Variants in SFMBT1 observed in about 807,000 individuals in gnomAD.
SFMBT1 encodes Scm like with four mbt domains 1.
Under a neutral mutation model 108.7 loss-of-function variants are expected in SFMBT1, and 32 were observed. The ratio of observed to expected loss-of-function variants is 0.29; its 90% CI spans 0.22 to 0.40. The LOEUF is 0.40. Ranked by LOEUF, SFMBT1 falls within the 10% of genes least tolerant of loss-of-function variation. The pLI is 1.00. For synonymous variants in SFMBT1, 348 were observed against 369.5 expected (o/e 0.94, Z 0.67); for missense variants, 816 against 1,059.6 (o/e 0.77, Z 3.19).
chr3:52,922,326 A>T (rs1437773968), intron 10 of SFMBT1, among the ~76,000 whole-genome samples: 1 of 152,036 alleles, frequency 6.6e-6, no homozygotes, highest in Non-Finnish European at 1.5e-5. Context: ...ATGTTTATCA[A>T]CAGTGGGAAA....
chr3:52,916,353 ATACTT>A, intron 13 of SFMBT1, 139 bp from the exon 14 acceptor site: 1 of 457,130 alleles, frequency 2.2e-6, no homozygotes. Context: ...TCCCTTGATG[ATACTT>A]TTTTTTTTTT....
At chr3:53,039,736 G>A (rs1304290043) in intron 1 of SFMBT1, among the ~76,000 whole-genome samples, 2 of 152,164 alleles carry the variant, frequency 1.3e-5, no homozygotes, top group Non-Finnish European at 2.9e-5. Context: ...CTGGGTTCAA[G>A]CAATTCTCCT....
chr3:52,949,227 C>A (rs1276451111), intron 3 of SFMBT1, among the ~76,000 whole-genome samples: 1 of 151,954 alleles, frequency 6.6e-6, no homozygotes. Flanking sequence ...CTTTATGGGC[C>A]TGGGTGTGGT....
intron 4 of SFMBT1, among the ~76,000 whole-genome samples, chr3:52,935,110 T>A (rs745663642): frequency 6.6e-6 from 1 of 152,216 alleles, no homozygotes; most frequent in Non-Finnish European, 1.5e-5. Flanking sequence ...TTAAGAGTTG[T>A]ATACAAAACA....
intron 4 of SFMBT1, among the ~76,000 whole-genome samples, chr3:52,940,755 A>G (rs573172393): frequency 6.6e-6 from 1 of 152,384 alleles, no homozygotes; most frequent in East Asian, 1.9e-4. Flanking sequence ...AGTATCTTCC[A>G]ACAAGACACT....
chr3:53,034,802 G>A (rs1699813117), intron 1 of SFMBT1, among the ~76,000 whole-genome samples: 1 of 151,660 alleles, frequency 6.6e-6, no homozygotes, highest in South Asian at 2.1e-4. Flanking sequence ...AGCCAGGCGT[G>A]GTGGCACGTG....
chr3:52,950,302 T>C (rs1015849773), intron 3 of SFMBT1, among the ~76,000 whole-genome samples: 1 of 152,228 alleles, frequency 6.6e-6, no homozygotes, highest in African/African-American at 2.4e-5. Context: ...GTTTACAATA[T>C]ACATTTAAAC....
At chr3:53,012,698 G>C (rs1485529274) in intron 1 of SFMBT1, among the ~76,000 whole-genome samples, 5 of 151,616 alleles carry the variant, frequency 3.3e-5, no homozygotes, top group Non-Finnish European at 5.9e-5. Flanking sequence ...CACCGCGCCC[G>C]GCCGAGTGCT....
chr3:52,905,110 G>A lies in SFMBT1; in HGVS notation c.*26C>T, dbSNP rs771285504. 7 of 1,611,296 alleles carry A rather than the reference G, an allele frequency of 4.3e-6. No individual in the cohort carries two copies. The Admixed American group carries it at 1.2e-4, about 27-fold the overall frequency. On this transcript the variant is annotated 3_prime_UTR_variant, in exon 21 of 21. Coordinates refer to ENST00000394752, the MANE Select transcript of SFMBT1 (RefSeq NM_016329.4). ...GGATTTGCTGCATTTGTGCTTCAAAGATCCAGCTCACTTTGGTTGTCCTTC... is the reference window on the plus strand; with the variant it reads ...GGATTTGCTGCATTTGTGCTTCAAAAATCCAGCTCACTTTGGTTGTCCTTC...
chr3:52,988,475 C>T (rs1157065862), intron 1 of SFMBT1, among the ~76,000 whole-genome samples: 1 of 152,176 alleles, frequency 6.6e-6, no homozygotes, highest in Non-Finnish European at 1.5e-5. Flanking sequence ...GGTAATGCTG[C>T]TGCGAGGGTA....
chr3:52,992,842 T>C (rs1244929890), intron 1 of SFMBT1, among the ~76,000 whole-genome samples: 2 of 152,210 alleles, frequency 1.3e-5, no homozygotes, highest in Admixed American at 1.3e-4. Context: ...CTGGAGTGAT[T>C]CAGGCCTACC....
At chr3:52,984,085 A>C (rs543832673) in intron 1 of SFMBT1, among the ~76,000 whole-genome samples, 5 of 152,294 alleles carry the variant, frequency 3.3e-5, no homozygotes, top group African/African-American at 9.6e-5. Context: ...AAAGAGCAGT[A>C]TCTGGGCTGA....
In SFMBT1 at chr3:52,934,910, G is replaced by A. The variant is rs749863282; in HGVS notation, c.365-9C>T. 1.9e-5 allele frequency: 30 copies of A among 1,607,468 alleles called. No individual in the cohort carries two copies. The South Asian group carries it at 2.2e-4, about 12-fold the overall frequency. ...TACTTTATCTCTGATGCCTAGATGA[G>A]GGAATAAATGACTGATTACTCAAAA... On this transcript the variant is annotated splice_polypyrimidine_tract_variant and intron_variant, in intron 4 of 20. Coordinates refer to ENST00000394752, the MANE Select transcript of SFMBT1 (RefSeq NM_016329.4).
intron 11 of SFMBT1, among the ~76,000 whole-genome samples, chr3:52,921,218 A>C (rs941576015): frequency 2.0e-5 from 3 of 152,234 alleles, no homozygotes; most frequent in Non-Finnish European, 2.9e-5. Context: ...GCAGGATAAA[A>C]AAGCTGCTCA....
chr3:52,940,136 C>T (rs2710346), intron 4 of SFMBT1, among the ~76,000 whole-genome samples: 90,985 of 152,050 alleles, frequency 0.6, 27,690 homozygotes, highest in Middle Eastern at 0.68. Flanking sequence ...TTCCTACATA[C>T]GTTAGGATGA....
intron 5 of SFMBT1, among the ~76,000 whole-genome samples, chr3:52,934,425 C>T (rs922964188): frequency 6.5e-5 from 7 of 107,486 alleles, no homozygotes; most frequent in African/African-American, 2.5e-4. Flanking sequence ...CCAATGTGTT[C>T]CAAGCAAAAA....
chr3:52,934,775 G>A (rs1702954987), intron 5 of SFMBT1, 38 bp downstream of exon 5: 3 of 1,520,308 alleles, frequency 2.0e-6, no homozygotes, highest in Non-Finnish European at 2.7e-6. Context: ...AAGATCAGAT[G>A]GGTTTTCCAT....
At chr3:53,006,530 A>G (rs2581796) in intron 1 of SFMBT1, among the ~76,000 whole-genome samples, 109,397 of 151,618 alleles carry the variant, frequency 0.72, 39,689 homozygotes, top group South Asian at 0.86. Context: ...TCAGGAGGCT[A>G]AAGCAGGAAA....
rs763769452 is a variant in SFMBT1 at position 52,907,091 on chromosome 3, T to G, written c.2309A>C (p.Glu770Ala). 5.0e-5 allele frequency: 80 copies of G among 1,612,750 alleles called. No homozygotes were observed. Among genetic ancestry groups the G allele is most frequent in the Non-Finnish European group, 6.6e-5 (78 of 1,179,646 alleles). The change falls in exon 19 of 21, where the codon GAA becomes GCA. Residue 770 changes from glutamate to alanine, a missense_variant. By Grantham distance (107) the Glu-to-Ala change is moderately radical. Coordinates refer to ENST00000394752, the MANE Select transcript of SFMBT1 (RefSeq NM_016329.4). The stretch of plus-strand genomic sequence containing the variant: ...TACCTTTGGTGAAGGAGGTTTATTT[T>G]CATCGTCAGAAAATGAAAAGGTGCG... ...ELRTFSFSDD[E>A]NKPPSPKEIR...
Sources: allele counts gnomAD v4.1 joint callset (sites outside exome capture counted in the v4.1 genomes callset), GRCh38; gene constraint gnomAD v4.1.1; transcripts MANE v1.5; gene names NCBI Gene and HGNC (gene_info 2026-07-23, HGNC 2026-07-21).